The following ADARB2 variants were observed in gnomAD, a reference collection of about 807,000 sequenced individuals.
The protein encoded by ADARB2 is inactive double-stranded RNA-specific editase B2.
A neutral mutation model predicts 62.2 loss-of-function variants in ADARB2; 25 were observed. The observed-to-expected ratio is 0.40, with a 90% CI of 0.29 to 0.56. ADARB2 has a LOEUF of 0.56. ADARB2 is among the 20% of genes least tolerant of loss of function. The pLI, the probability that ADARB2 is intolerant of heterozygous loss-of-function variation, is 0.43. For synonymous variants in ADARB2, 572 were observed against 500.8 expected, an observed-to-expected ratio of 1.14 and a Z score of -1.90; for missense variants, 1,071 against 1,077.4, an observed-to-expected ratio of 0.99 and a Z score of 0.08.
At chr10:1,262,514 G>C (rs1261271275) in intron 4 of ADARB2, among the ~76,000 whole-genome samples, 1 of 151,926 alleles carries the variant, frequency 6.6e-6, no homozygotes, top group Non-Finnish European at 1.5e-5. Context: ...CATTTATGCA[G>C]CCAAAAAACA....
chr10:1,389,207 T>C (rs1832548649), intron 1 of ADARB2, among the ~76,000 whole-genome samples: 1 of 152,146 alleles, frequency 6.6e-6, no homozygotes, highest in Admixed American at 6.5e-5. Context: ...ATTGAGGAGA[T>C]TACTTTCATG....
At chr10:1,701,970 G>C (rs1477260939) in intron 1 of ADARB2, among the ~76,000 whole-genome samples, 4 of 152,194 alleles carry the variant, frequency 2.6e-5, no homozygotes, top group African/African-American at 9.6e-5. Context: ...TGTATGCTTG[G>C]CTTGAGGGAA....
At chr10:1,399,565 C>T (rs1028692717) in intron 1 of ADARB2, among the ~76,000 whole-genome samples, 3 of 152,130 alleles carry the variant, frequency 2.0e-5, no homozygotes, top group Non-Finnish European at 4.4e-5. Context: ...CTCAGCTTCC[C>T]GGGAAGTGGC....
Position 1,316,336 on chromosome 10 carries a change from C to T in ADARB2, c.1078-45267G>A, listed in dbSNP as rs116030485. ...CGTGGTGATGGCGGCTTCCCTGAGT[C>T]CAGGCTCGCCTCACCCAGCTTCCTC... On this transcript the variant is annotated intron_variant, in intron 3 of 9. Coordinates refer to ENST00000381312, the MANE Select transcript of ADARB2 (RefSeq NM_018702.4). Among the ~76,000 whole-genome samples the T allele has an allele frequency of 7.4e-3, 1,134 of 152,338 alleles. 20 individuals carry two copies. Among genetic ancestry groups the T allele is most frequent in the African/African-American group, 0.025 (1,040 of 41,566 alleles).
At chr10:1,618,120 CA>C (rs1339969166) in intron 1 of ADARB2, among the ~76,000 whole-genome samples, 15 of 152,170 alleles carry the variant, frequency 9.9e-5, no homozygotes, top group African/African-American at 3.1e-4. Flanking sequence ...GCTGCCTGCC[CA>C]AACAGGTGTA....
At chr10:1,451,989 G>A (rs1056460036) in intron 1 of ADARB2, among the ~76,000 whole-genome samples, 4 of 152,170 alleles carry the variant, frequency 2.6e-5, no homozygotes, top group Admixed American at 2.6e-4. Context: ...GCTTGTTAAA[G>A]GACAGCCTTA....
chr10:1,636,201 C>G (rs60040114), intron 1 of ADARB2, among the ~76,000 whole-genome samples: 1 of 152,092 alleles, frequency 6.6e-6, no homozygotes, highest in East Asian at 1.9e-4. Context: ...CAAAACTGGT[C>G]TAGGCAGACT....
At chr10:1,418,315 G>A (rs1283635766) in intron 1 of ADARB2, among the ~76,000 whole-genome samples, 2 of 152,280 alleles carry the variant, frequency 1.3e-5, no homozygotes, top group African/African-American at 4.8e-5. Context: ...GTCAGGCCTC[G>A]AGCTTTAAGA....
intron 1 of ADARB2, among the ~76,000 whole-genome samples, chr10:1,473,072 G>A (rs1831347824): frequency 6.6e-6 from 1 of 152,194 alleles, no homozygotes. Flanking sequence ...ATGGGGGAAG[G>A]AACGTGGGGC....
At chr10:1,314,061 G>A (rs79015970) in intron 3 of ADARB2, among the ~76,000 whole-genome samples, 3,634 of 152,366 alleles carry the variant, frequency 0.024, 83 homozygotes, top group East Asian at 0.11. Flanking sequence ...CAGCTCAGGA[G>A]CCCTGTGGAC....
chr10:1,468,703 G>C (rs1471614170), intron 1 of ADARB2, among the ~76,000 whole-genome samples: 1 of 152,222 alleles, frequency 6.6e-6, no homozygotes, highest in Non-Finnish European at 1.5e-5. Context: ...CCAAGGACAA[G>C]TGGTGCCTTC....
At chr10:1,553,049 C>T (rs768941508) in intron 1 of ADARB2, among the ~76,000 whole-genome samples, 2 of 152,194 alleles carry the variant, frequency 1.3e-5, no homozygotes, top group Admixed American at 6.5e-5. Context: ...CAGTGTCACC[C>T]GCAGCTCCCT....
At chr10:1,321,529 C>T (rs1263515375) in intron 3 of ADARB2, among the ~76,000 whole-genome samples, 3 of 152,066 alleles carry the variant, frequency 2.0e-5, no homozygotes, top group Non-Finnish European at 4.4e-5. Flanking sequence ...TAAAAGTGCT[C>T]ATCACTGCGC....
chr10:1,647,376 T>C (rs1267474623), intron 1 of ADARB2, among the ~76,000 whole-genome samples: 1 of 152,198 alleles, frequency 6.6e-6, no homozygotes. Context: ...CGTGTGTCTA[T>C]ATATGTATGC....
At chr10:1,351,735 C>A (rs1231055502) in intron 3 of ADARB2, among the ~76,000 whole-genome samples, 4 of 152,094 alleles carry the variant, frequency 2.6e-5, no homozygotes, top group African/African-American at 4.8e-5. Context: ...CATCCCACAG[C>A]ATGCTTTAAA....
At position 1,195,389 on chromosome 10, in the gene ADARB2, G is replaced by GTTTTTTT. The variant is rs377144803; in HGVS notation, c.1864+4570_1864+4576dup. On this transcript the variant is annotated intron_variant, in intron 8 of 9. Coordinates refer to ENST00000381312, the MANE Select transcript of ADARB2 (RefSeq NM_018702.4). The stretch of plus-strand genomic sequence containing the variant: ...TCAGTATCTGTCAATGCTGTACACA[G>GTTTTTTT]TTTTTTTTTTGTTTTTTTTTTTTTT... Among the ~76,000 whole-genome samples, 39 of 103,672 alleles carry GTTTTTTT rather than the reference G, an allele frequency of 3.8e-4. 2 individuals carry two copies. Among genetic ancestry groups the GTTTTTTT allele is most frequent in the South Asian group, 9.4e-4 (3 of 3,202 alleles). 68.0% of individuals were successfully genotyped at this position (103,672 alleles called of 152,430 possible). A position where few individuals can be genotyped will look rare whatever the true frequency, so the allele number is the denominator to read the frequency against.
chr10:1,647,746 ATGTGTGTATATGTTGTGTATGTGTGG>A (rs1327993230), intron 1 of ADARB2, among the ~76,000 whole-genome samples: 1 of 151,504 alleles, frequency 6.6e-6, no homozygotes, highest in African/African-American at 2.4e-5. Flanking sequence ...GTATATATGT[ATGTGTGTATATGTTGTGTATGTGTGG>A]TGTGTGTATA....
At chr10:1,423,697 T>C (rs1832870185) in intron 1 of ADARB2, among the ~76,000 whole-genome samples, 1 of 152,052 alleles carries the variant, frequency 6.6e-6, no homozygotes, top group Non-Finnish European at 1.5e-5. Context: ...GACCACTGTG[T>C]ATGCAGTAGG....
chr10:1,349,727 AC>A (rs1189279225), intron 3 of ADARB2, among the ~76,000 whole-genome samples: 2 of 152,096 alleles, frequency 1.3e-5, no homozygotes, highest in Admixed American at 6.5e-5. Context: ...TTATCCATTG[AC>A]CCAAAACTCC....
Sources: allele counts gnomAD v4.1 joint callset (sites outside exome capture counted in the v4.1 genomes callset), GRCh38; gene constraint gnomAD v4.1.1; transcripts MANE v1.5; gene names NCBI Gene and HGNC (gene_info 2026-07-23, HGNC 2026-07-21).